CBLB: variants seen among roughly 807,000 people sequenced by gnomAD.
CBLB encodes the protein E3 ubiquitin-protein ligase CBL-B.
CBLB carries 31 observed loss-of-function variants against 104.9 expected under a neutral mutation model. That is an observed-to-expected ratio of 0.30 (90% CI 0.22 to 0.40). The LOEUF (loss-of-function observed/expected upper bound fraction) is 0.40, where lower values mean the gene tolerates loss of function less well. Ranked by LOEUF, CBLB falls within the 10% of genes least tolerant of loss-of-function variation. The pLI is 1.00. For missense variants in CBLB, 1,062 were observed against 1,214.6 expected, an observed-to-expected ratio of 0.87 and a Z score of 1.87; for synonymous variants, 440 against 422.6, an observed-to-expected ratio of 1.04 and a Z score of -0.51.
Position 105,702,222 on chromosome 3 carries a change from C to T in CBLB, c.1831G>A (p.Gly611Arg), listed in dbSNP as rs369987245. The change falls in exon 12 of 19, where the codon GGG becomes AGG. Residue 611 changes from glycine to arginine, a missense_variant. Gly to Arg is a moderately radical substitution (Grantham distance 125). Transcript: ENST00000394030. ...TNQLVGCRLLGEGSPKPGITA... is the reference protein window; with the variant it reads ...TNQLVGCRLLREGSPKPGITA... ...ATTCCAGGTTTTGGAGAGCCCTCCC[C>T]TAGGAGTCGACATCCCACAAGCTGA... 2.5e-6 allele frequency: 4 copies of T among 1,613,972 alleles called. No individual in the cohort carries two copies. In the African/African-American group the frequency reaches 4.0e-5, roughly 16 times the overall value.
chr3:105,840,352 C>A (rs2089354813), intron 3 of CBLB, among the ~76,000 whole-genome samples: 1 of 151,234 alleles, frequency 6.6e-6, no homozygotes, highest in Admixed American at 6.6e-5. Flanking sequence ...TTTAAATAGT[C>A]TTTCTGAATT....
At chr3:105,743,268 G>C (rs2075784718) in intron 6 of CBLB, among the ~76,000 whole-genome samples, 1 of 151,886 alleles carries the variant, frequency 6.6e-6, no homozygotes, top group East Asian at 1.9e-4. Flanking sequence ...GGCCACCATG[G>C]CCAACATGGC....
chr3:105,683,626 C>T (rs1290512666), intron 14 of CBLB, among the ~76,000 whole-genome samples: 1 of 152,150 alleles, frequency 6.6e-6, no homozygotes, highest in Non-Finnish European at 1.5e-5. Context: ...AAAATTACTG[C>T]ACATTTGTAA....
intron 10 of CBLB, among the ~76,000 whole-genome samples, chr3:105,716,064 A>AAATAAATG (rs1369091176): frequency 8.5e-5 from 13 of 152,210 alleles, no homozygotes; most frequent in Admixed American, 1.3e-4. Flanking sequence ...GTTAATTAAA[A>AAATAAATG]AATAAATGAA....
chr3:105,780,660 G>GTTGTTTT (rs2080106788), intron 3 of CBLB, among the ~76,000 whole-genome samples: 1 of 94,036 alleles, frequency 1.1e-5, no homozygotes, highest in African/African-American at 4.3e-5. Flanking sequence ...TTTGTTTTTT[G>GTTGTTTT]TTTTTTTTTT....
intron 12 of CBLB, among the ~76,000 whole-genome samples, chr3:105,697,768 A>C (rs553953339): frequency 3.5e-4 from 54 of 152,206 alleles, no homozygotes; most frequent in Middle Eastern, 3.4e-3. Context: ...ATGTCACCGT[A>C]AGTTACATGA....
chr3:105,734,501 C>A (rs767818219), intron 8 of CBLB, among the ~76,000 whole-genome samples: 2 of 150,776 alleles, frequency 1.3e-5, no homozygotes, highest in Non-Finnish European at 3.0e-5. Flanking sequence ...TTTATAAATG[C>A]CACATGCTCA....
chr3:105,780,660 G>GTTTTTTTTTTTTTTTTTTTTTTTTT lies in CBLB; in HGVS notation c.420-4119_420-4118insAAAAAAAAAAAAAAAAAAAAAAAAA, dbSNP rs58640968. Among the ~76,000 whole-genome samples the GTTTTTTTTTTTTTTTTTTTTTTTTT allele has an allele frequency of 2.4e-4, 23 of 94,036 alleles. 2 individuals carry two copies. The highest frequency in any genetic ancestry group is 1.0e-3 in the East Asian group (3 of 2,898). The allele number at this position is 94,036 out of a possible 152,430, so 61.7% of individuals were successfully genotyped here. ...TTTTACAATAAAAGTTTTGTTTTTT[G>GTTTTTTTTTTTTTTTTTTTTTTTTT]TTTTTTTTTTTTTTTTTTTTGAGAT... is the stretch of plus-strand genomic sequence containing the variant. On this transcript the variant is annotated intron_variant, in intron 3 of 18. Coordinates refer to ENST00000394030, the MANE Select transcript of CBLB (RefSeq NM_170662.5).
chr3:105,742,833 A>C (rs1395786476), intron 6 of CBLB, among the ~76,000 whole-genome samples: 1 of 152,216 alleles, frequency 6.6e-6, no homozygotes, highest in Non-Finnish European at 1.5e-5. Context: ...TATAGTAAGA[A>C]TCTAGTAGAT....
rs375880133 is a variant in CBLB, at chr3:105,718,894, T to C, written c.1407+1153A>G. Among the ~76,000 whole-genome samples, 4 of 152,222 alleles carry C rather than the reference T, an allele frequency of 2.6e-5. No individual in the cohort carries two copies. In the South Asian group the frequency reaches 8.3e-4, roughly 31 times the overall value. On this transcript the variant is annotated intron_variant, in intron 10 of 18. Coordinates refer to ENST00000394030, the MANE Select transcript of CBLB (RefSeq NM_170662.5). The stretch of plus-strand genomic sequence containing the variant: ...TCTTCCTGTACAGGGAATAGCCTGA[T>C]ATCCAAGAGTCTACCTCTCTTGACC...
chr3:105,867,626 T>C (rs1578039248), intron 1 of CBLB, 35 bp from the exon 2 acceptor site: 2 of 1,598,588 alleles, frequency 1.3e-6, no homozygotes, highest in East Asian at 2.2e-5. Context: ...GAAAAGTTAG[T>C]TGGTTTTGAA....
chr3:105,658,889 A>T lies in CBLB; in HGVS notation c.*81T>A. ...ACGAGGAGGAGACACTTCTCTCTTG[A>T]ATTCCATCTCAGTTCTCTTTATTTC... On this transcript the variant is annotated 3_prime_UTR_variant, in exon 19 of 19. Transcript: ENST00000394030. 1.3e-6 allele frequency: 2 copies of T among 1,481,666 alleles called. No individual in the cohort carries two copies. The highest frequency in any genetic ancestry group is 1.9e-6 in the Non-Finnish European group (2 of 1,064,986). The allele number at this position is 1,481,666 out of a possible 1,614,324, so 91.8% of individuals were successfully genotyped here. A position where few individuals can be genotyped will look rare whatever the true frequency, so the allele number is the denominator to read the frequency against.
At chr3:105,848,997 T>C (rs931742966) in intron 3 of CBLB, among the ~76,000 whole-genome samples, 2 of 152,148 alleles carry the variant, frequency 1.3e-5, no homozygotes, top group Non-Finnish European at 2.9e-5. Context: ...CATAGATCAA[T>C]AGATCTCATA....
At chr3:105,740,437 CTT>C (rs2152878220) in intron 7 of CBLB, 55 bp downstream of exon 7, 1 of 1,592,130 alleles carries the variant, frequency 6.3e-7, no homozygotes, top group East Asian at 2.2e-5. Context: ...ACAAAGCAAT[CTT>C]TATTTTTCAA....
chr3:105,770,898 C>T (rs1030067305), intron 4 of CBLB, among the ~76,000 whole-genome samples: 1 of 152,120 alleles, frequency 6.6e-6, no homozygotes, highest in African/African-American at 2.4e-5. Flanking sequence ...GAGACTGAAT[C>T]AGTAATTTTA....
At chr3:105,710,092 A>G (rs1374222143) in intron 10 of CBLB, among the ~76,000 whole-genome samples, 1 of 151,878 alleles carries the variant, frequency 6.6e-6, no homozygotes, top group African/African-American at 2.4e-5. Flanking sequence ...TGTTGATTTG[A>G]AAGTGCTCTT....
chr3:105,718,227 T>C (rs915665777), intron 10 of CBLB, among the ~76,000 whole-genome samples: 1 of 152,226 alleles, frequency 6.6e-6, no homozygotes, highest in Non-Finnish European at 1.5e-5. Context: ...ATAAAAACTG[T>C]ATCTTTCAGG....
chr3:105,716,345 A>G (rs1009570112), intron 10 of CBLB, among the ~76,000 whole-genome samples: 2 of 152,306 alleles, frequency 1.3e-5, no homozygotes, highest in South Asian at 4.1e-4. Context: ...AGGAGTGTGC[A>G]TTTATTAGTT....
intron 16 of CBLB, 150 bp from the exon 17 acceptor site, chr3:105,678,721 G>A: frequency 1.2e-6 from 1 of 853,856 alleles, no homozygotes; most frequent in South Asian, 1.5e-5. Flanking sequence ...TTTGATAATG[G>A]GATCTAATTA....
Sources: allele counts gnomAD v4.1 joint callset (sites outside exome capture counted in the v4.1 genomes callset), GRCh38; gene constraint gnomAD v4.1.1; transcripts MANE v1.5; gene names NCBI Gene and HGNC (gene_info 2026-07-23, HGNC 2026-07-21).